Variants in MAGED1 observed in about 807,000 individuals in gnomAD.
MAGED1 encodes MAGE family member D1, also known as melanoma-associated antigen D1.
In MAGED1, 3 loss-of-function variants were observed where a neutral mutation model predicts 54.1. That is an observed-to-expected ratio of 0.06 (90% CI 0.03 to 0.14). The LOEUF (loss-of-function observed/expected upper bound fraction) is 0.14, where lower values mean the gene tolerates loss of function less well. MAGED1 is among the 10% of genes least tolerant of loss of function. MAGED1 has a pLI of 1.00. For missense variants in MAGED1, 485 were observed against 623.4 expected (o/e 0.78, Z 2.36); for synonymous variants, 217 against 227.3 (o/e 0.95, Z 0.41).
intron 1 of MAGED1, among the ~76,000 whole-genome samples, chrX:51,880,888 C>T (rs1422963062): frequency 1.8e-5 from 2 of 111,358 alleles, no homozygotes; most frequent in East Asian, 2.8e-4. Context: ...ATTTCCTCTA[C>T]TCCCTCCTTC....
chrX:51,872,500 G>A (rs1196986320), intron 1 of MAGED1, among the ~76,000 whole-genome samples: 5 of 112,159 alleles, frequency 4.5e-5, no homozygotes, highest in East Asian at 5.6e-4. Flanking sequence ...AACTTACACC[G>A]ATTTAGCATC....
rs782701216 is a variant in MAGED1, at chrX:51,896,531, C to T, written c.876C>T (p.Pro292=). The change falls in exon 4 of 13, where the codon CCC becomes CCT. Residue 292 remains proline, a synonymous_variant. Transcript: ENST00000326587. The part of the protein sequence containing the change: ...VTTQNPPGAP[P]NVLWQTPLAW... ...CTCAGAACCCACCTGGCGCACCCCC[C>T]AATGTGCTCTGGCAGACGCCATTGG... 1 of 1,212,007 alleles carries T rather than the reference C, an allele frequency of 8.3e-7. No individual in the cohort carries two copies. Among genetic ancestry groups the T allele is most frequent in the Admixed American group, 2.2e-5 (1 of 46,104 alleles).
At chrX:51,886,370 TG>T (rs1164510619) in intron 1 of MAGED1, among the ~76,000 whole-genome samples, 1 of 111,314 alleles carries the variant, frequency 9.0e-6, no homozygotes, top group African/African-American at 3.3e-5. Flanking sequence ...GATCATACCC[TG>T]ATGAGATCAT....
chrX:51,814,259 G>T (rs1237130498), intron 1 of MAGED1, among the ~76,000 whole-genome samples: 1 of 111,759 alleles, frequency 8.9e-6, no homozygotes, highest in Non-Finnish European at 1.9e-5. Flanking sequence ...TATGGCTGTT[G>T]CTGCTGCTGC....
At position 51,895,643 on chromosome X, in the gene MAGED1, A is replaced by G; in HGVS notation, c.636A>G (p.Ile212Met). The G allele has an allele frequency of 8.3e-7, 1 of 1,210,262 alleles. No homozygotes were observed. Among genetic ancestry groups the G allele is most frequent in the African/African-American group, 1.7e-5 (1 of 57,857 alleles). The stretch of plus-strand genomic sequence containing the variant: ...AAATGGCCACTTCCCAGGCTGACAT[A>G]GAGACCGACCCAGGTATCTCTGAAC... ...QAKMATSQAD[I>M]ETDPGISEPD... Residue 212 changes from isoleucine to methionine, a missense_variant, in exon 3 of 13, where the codon ATA becomes ATG. By Grantham distance (10) the Ile-to-Met change is conservative (BLOSUM62 1). Transcript: ENST00000326587.
chrX:51,856,151 A>G (rs1927075979), intron 1 of MAGED1, among the ~76,000 whole-genome samples: 1 of 111,934 alleles, frequency 8.9e-6, no homozygotes, highest in Non-Finnish European at 1.9e-5. Context: ...ACCACAATTT[A>G]CTTAATCAAT....
chrX:51,835,007 A>AGGAAGTATT (rs1396193245), intron 1 of MAGED1, among the ~76,000 whole-genome samples: 2 of 111,935 alleles, frequency 1.8e-5, no homozygotes, highest in Non-Finnish European at 3.8e-5. Context: ...AGAATGAGTT[A>AGGAAGTATT]GGAAGTATTT....
At chrX:51,881,397 T>C (rs1011197554) in intron 1 of MAGED1, among the ~76,000 whole-genome samples, 1 of 106,991 alleles carries the variant, frequency 9.3e-6, no homozygotes, top group Non-Finnish European at 1.9e-5. Flanking sequence ...TCTTTCCTCT[T>C]GCTTTTTCTT....
chrX:51,816,727 AAAAG>A lies in MAGED1; in HGVS notation c.-37+13618_-37+13621del, dbSNP rs1925441939. ...CTCCATTGCTAAGTGACACGATTGT[AAAAG>A]AAAGAAAAAAAAAAAACAGATATGA... On this transcript the variant is annotated intron_variant, in intron 1 of 12. Transcript: ENST00000375772. Among the ~76,000 whole-genome samples, 3 of 19,355 alleles carry A rather than the reference AAAAG, an allele frequency of 1.5e-4. No individual in the cohort carries two copies. The South Asian group carries it at 9.6e-3, about 62-fold the overall frequency. The allele number at this position is 19,355 out of a possible 115,157, so 16.8% of individuals were successfully genotyped here.
intron 1 of MAGED1, among the ~76,000 whole-genome samples, chrX:51,833,803 A>G (rs1032979319): frequency 8.9e-6 from 1 of 112,125 alleles, no homozygotes; most frequent in Non-Finnish European, 1.9e-5. Context: ...TAATAAAACA[A>G]TGAACACTTT....
chrX:51,809,774 T>G (rs191908502), intron 1 of MAGED1, among the ~76,000 whole-genome samples: 5 of 111,423 alleles, frequency 4.5e-5, no homozygotes, highest in African/African-American at 1.3e-4. Context: ...CTTCTGTTGG[T>G]TTTAGCAGCC....
intron 1 of MAGED1, among the ~76,000 whole-genome samples, chrX:51,868,204 C>T (rs782285704): frequency 5.4e-5 from 6 of 111,819 alleles, no homozygotes; most frequent in Non-Finnish European, 1.1e-4. Context: ...AGTGAGGCTT[C>T]AAGTGAGAAA....
chrX:51,828,839 C>T (rs1466913896), intron 1 of MAGED1, among the ~76,000 whole-genome samples: 1 of 110,501 alleles, frequency 9.0e-6, no homozygotes, highest in South Asian at 3.8e-4. Context: ...ACCCAAACAA[C>T]AAAAATAACA....
chrX:51,895,415 G>A lies in MAGED1; in HGVS notation c.408G>A (p.Glu136=). The A allele has an allele frequency of 1.7e-6, 2 of 1,206,868 alleles. No homozygotes were observed. Among genetic ancestry groups the A allele is most frequent in the Middle Eastern group, 2.3e-4 (1 of 4,345 alleles). The change falls in exon 3 of 13, where the codon GAG becomes GAA. Residue 136 remains glutamate (E), a synonymous_variant. Coordinates refer to ENST00000326587, the MANE Select transcript of MAGED1 (RefSeq NM_006986.4). ...TTTCCCAGGCAGCAACCACTGGTGA[G>A]TTAGCTGCTAACAAGTCTGAGATGG... ...YDFSQAATTG[E]LAANKSEMAF... is the part of the protein sequence containing the mutation.
intron 1 of MAGED1, among the ~76,000 whole-genome samples, chrX:51,825,593 C>A (rs1263548626): frequency 8.9e-6 from 1 of 111,862 alleles, no homozygotes; most frequent in Non-Finnish European, 1.9e-5. Context: ...CAATAAATTG[C>A]ATCATCTTTA....
intron 1 of MAGED1, among the ~76,000 whole-genome samples, chrX:51,842,325 A>C (rs1557358714): frequency 8.9e-6 from 1 of 112,201 alleles, no homozygotes; most frequent in Non-Finnish European, 1.9e-5. Context: ...CTTTATTTTC[A>C]ACATTGTGAT....
At chrX:51,832,667 T>C (rs1926110937) in intron 1 of MAGED1, among the ~76,000 whole-genome samples, 2 of 111,824 alleles carry the variant, frequency 1.8e-5, no homozygotes, top group African/African-American at 6.5e-5. Flanking sequence ...TTGACCCTGC[T>C]ACTCACGAGC....
chrX:51,898,408 G>A, intron 9 of MAGED1, 81 bp downstream of exon 9: 1 of 1,128,503 alleles, frequency 8.9e-7, no homozygotes, highest in Middle Eastern at 2.7e-4. Context: ...GCATTAACCT[G>A]GGGGTCTGGA....
intron 1 of MAGED1, among the ~76,000 whole-genome samples, chrX:51,846,716 A>G (rs1460352993): frequency 9.0e-6 from 1 of 111,056 alleles, no homozygotes; most frequent in Admixed American, 9.6e-5. Flanking sequence ...GAGCAGGTGG[A>G]AGAGAGAGAG....
Sources: gnomAD v4.1 joint callset for allele counts (sites outside exome capture counted in the v4.1 genomes callset) on GRCh38, gnomAD v4.1.1 for gene constraint, MANE v1.5 for transcripts, NCBI Gene and HGNC (gene_info 2026-07-23, HGNC 2026-07-21) for gene names.